The following LMO7 variants were observed in gnomAD, a reference collection of about 807,000 sequenced individuals.
LMO7 encodes the protein LIM domain 7.
LMO7 carries 120 observed loss-of-function variants against 206.5 expected under a neutral mutation model. The ratio of observed to expected loss-of-function variants is 0.58; its 90% CI spans 0.50 to 0.68. The LOEUF is 0.68. Ranked by LOEUF, LMO7 falls within the 30% of genes least tolerant of loss-of-function variation. The pLI, the probability that LMO7 is intolerant of heterozygous loss-of-function variation, is 0.00. For synonymous variants in LMO7, 706 were observed against 681.5 expected (o/e 1.04, Z -0.56); for missense variants, 1,959 against 1,957.9 (o/e 1.00, Z -0.01).
Position 75,636,470 on chromosome 13 carries a change from G to C in LMO7, c.-188G>C. On this transcript the variant is annotated 5_prime_UTR_variant, in exon 1 of 31. Coordinates refer to ENST00000377534, the MANE Select transcript of LMO7 (RefSeq NM_001306080.2). ...AAAGCCAGGTCTTCACGTTCGTGTA[G>C]GTTCGAGACCTTAACGAACTGCAGA... The C allele has an allele frequency of 1.4e-6, 2 of 1,438,966 alleles. No homozygotes were observed. The allele number at this position is 1,438,966 out of a possible 1,614,324, so 89.1% of individuals were successfully genotyped here.
At chr13:75,654,579 G>A (rs552039084) in intron 1 of LMO7, among the ~76,000 whole-genome samples, 1 of 152,266 alleles carries the variant, frequency 6.6e-6, no homozygotes, top group South Asian at 2.1e-4. Context: ...GGGGGTTAGA[G>A]ATGGGGCAAA....
At chr13:75,737,404 A>G (rs1173390174) in intron 3 of LMO7, among the ~76,000 whole-genome samples, 1 of 151,936 alleles carries the variant, frequency 6.6e-6, no homozygotes, top group Non-Finnish European at 1.5e-5. Context: ...TACCAAATAT[A>G]GCTCTAGGAA....
upstream of LMO7, among the ~76,000 whole-genome samples, chr13:75,633,099 G>C (rs2035207535): frequency 6.6e-6 from 1 of 151,958 alleles, no homozygotes; most frequent in African/African-American, 2.4e-5. Context: ...TCCTGGCTTA[G>C]TGACCCGCCC....
At chr13:75,663,435 T>TCTTTCTTTC (rs1555289858) in intron 1 of LMO7, among the ~76,000 whole-genome samples, 3 of 111,764 alleles carry the variant, frequency 2.7e-5, no homozygotes, top group Non-Finnish European at 6.2e-5. Context: ...TTTCTTTCTT[T>TCTTTCTTTC]TTTTTTTTTT....
chr13:75,704,591 C>A (rs753638008), intron 1 of LMO7, among the ~76,000 whole-genome samples: 2 of 152,188 alleles, frequency 1.3e-5, no homozygotes, highest in Non-Finnish European at 1.5e-5. Context: ...GGATTCTAGG[C>A]ACCTTTTAAA....
At chr13:75,772,622 C>A (rs1203606954) in intron 4 of LMO7, among the ~76,000 whole-genome samples, 1 of 152,002 alleles carries the variant, frequency 6.6e-6, no homozygotes, top group Non-Finnish European at 1.5e-5. Context: ...AGTTCTGTTT[C>A]TCTTATAAAA....
chr13:75,746,724 T>G (rs2046872671), intron 3 of LMO7, among the ~76,000 whole-genome samples: 1 of 152,136 alleles, frequency 6.6e-6, no homozygotes, highest in Non-Finnish European at 1.5e-5. Context: ...TTATTTATAT[T>G]TTATTCATTT....
At chr13:75,690,354 G>A (rs568798217) in intron 1 of LMO7, among the ~76,000 whole-genome samples, 3 of 152,144 alleles carry the variant, frequency 2.0e-5, no homozygotes, top group Admixed American at 2.0e-4. Context: ...CCTACACTAG[G>A]CTTTCCGGGA....
exon 1 of LMO7, chr13:75,621,822 C>A: frequency 6.2e-7 from 1 of 1,611,200 alleles, no homozygotes; most frequent in Non-Finnish European, 8.5e-7. Context: ...ATGTCTGCAT[C>A]TGTGTGGGTT....
At chr13:75,802,342 A>G (rs550863607) in intron 7 of LMO7, among the ~76,000 whole-genome samples, 39 of 152,348 alleles carry the variant, frequency 2.6e-4, no homozygotes, top group African/African-American at 7.9e-4. Flanking sequence ...GACGATTCCA[A>G]TACGTTTAAG....
In LMO7 at chr13:75,841,880, C is replaced by T. The variant is rs768424294; in HGVS notation, c.3928C>T (p.Arg1310Trp). Residue 1310 changes from arginine (R) to tryptophan (W), a missense_variant, in exon 24 of 31, where the codon CGG becomes TGG. Arg to Trp is a moderately radical substitution (Grantham distance 101). Transcript: ENST00000377534. ...GCTTCAGGAAGAGCAAGAGCAAAAG[C>T]GGCTTCAGGCTGAGGCTGAGGAGCA... Reference protein sequence around the residue: ...QQLQEEQEQKRLQAEAEEQKR... With the variant: ...QQLQEEQEQKWLQAEAEEQKR... The T allele has an allele frequency of 1.5e-5, 25 of 1,613,836 alleles. No individual in the cohort carries two copies. In the East Asian group the frequency reaches 3.6e-4, roughly 23 times the overall value.
At position 75,776,126 on chromosome 13, in the gene LMO7, C is replaced by CATATATAT. The variant is rs71127581; in HGVS notation, c.317+15099_317+15106dup. ...ATATATATATATACATACATACATACATATATATATATATATATGCCATGT... is the reference window on the plus strand; with the variant it reads ...ATATATATATATACATACATACATACATATATATATATATATATATATATATGCCATGT... On this transcript the variant is annotated intron_variant, in intron 4 of 30. Coordinates refer to ENST00000377534, the MANE Select transcript of LMO7 (RefSeq NM_001306080.2). Among the ~76,000 whole-genome samples the CATATATAT allele has an allele frequency of 4.5e-3, 334 of 73,840 alleles. 15 individuals carry two copies. The East Asian group carries it at 0.08, about 18-fold the overall frequency. 48.4% of individuals were successfully genotyped at this position (73,840 alleles called of 152,430 possible).
intron 3 of LMO7, 131 bp from the exon 4 acceptor site, chr13:75,760,801 A>G (rs1482505476): frequency 3.2e-6 from 5 of 1,546,702 alleles, no homozygotes; most frequent in Admixed American, 2.0e-5. Context: ...ATACATATGC[A>G]TGGGTCTTGC....
intron 1 of LMO7, among the ~76,000 whole-genome samples, chr13:75,662,516 ACT>A (rs1458109436): frequency 1.1e-4 from 17 of 152,174 alleles, no homozygotes; most frequent in Admixed American, 2.0e-4. Context: ...ACGGGGTCTC[ACT>A]CTGTTTCCTA....
In LMO7 at chr13:75,841,689, C is replaced by T. The variant is rs779936048; in HGVS notation, c.3737C>T (p.Thr1246Ile). ...SLTTREPSLA[T>I]WEATWSEGSK... ...ACCACACGGGAGCCCTCTCTTGCCA[C>T]CTGGGAAGCTACCTGGAGTGAAGGG... Residue 1246 changes from threonine to isoleucine, a missense_variant, in exon 24 of 31, where the codon ACC becomes ATC. By Grantham distance (89) the Thr-to-Ile change is moderately conservative. Coordinates refer to ENST00000377534, the MANE Select transcript of LMO7 (RefSeq NM_001306080.2). 60 of 1,613,970 alleles carry T rather than the reference C, an allele frequency of 3.7e-5. No homozygotes were observed. Among genetic ancestry groups the T allele is most frequent in the Non-Finnish European group, 4.6e-5 (54 of 1,180,016 alleles).
intron 3 of LMO7, among the ~76,000 whole-genome samples, chr13:75,749,588 A>C (rs560287066): frequency 6.6e-6 from 1 of 152,218 alleles, no homozygotes; most frequent in East Asian, 1.9e-4. Flanking sequence ...TCCCTCCCTG[A>C]CCTGCTGCTG....
At chr13:75,759,872 AG>A (rs1464066401) in intron 3 of LMO7, among the ~76,000 whole-genome samples, 2 of 152,168 alleles carry the variant, frequency 1.3e-5, no homozygotes, top group East Asian at 3.9e-4. Context: ...GTCGCCTCTT[AG>A]GGAGGGAGGT....
intron 26 of LMO7, among the ~76,000 whole-genome samples, chr13:75,848,310 A>G (rs1373842184): frequency 6.6e-6 from 1 of 152,194 alleles, no homozygotes; most frequent in Non-Finnish European, 1.5e-5. Flanking sequence ...GTGAGAACAT[A>G]CGATGTTTGG....
chr13:75,637,176 A>AG (rs930925146), intron 1 of LMO7, among the ~76,000 whole-genome samples: 27 of 2,826 alleles, frequency 9.6e-3, no homozygotes, highest in South Asian at 0.038. Flanking sequence ...TTCAGTGTGG[A>AG]GGGGGGGAGC....
Sources: gnomAD v4.1 joint callset for allele counts (sites outside exome capture counted in the v4.1 genomes callset) on GRCh38, gnomAD v4.1.1 for gene constraint, MANE v1.5 for transcripts, NCBI Gene and HGNC (gene_info 2026-07-23, HGNC 2026-07-21) for gene names.